KTN1: variants seen among roughly 807,000 people sequenced by gnomAD.
The protein encoded by KTN1 is kinectin 1, also known as kinectin.
A neutral mutation model predicts 222.5 loss-of-function variants in KTN1; 130 were observed. The observed-to-expected ratio is 0.58, with a 90% CI of 0.51 to 0.68. The LOEUF is 0.68. KTN1 is among the 30% of genes least tolerant of loss of function. The pLI is 0.00. For synonymous variants in KTN1, 512 were observed against 496.3 expected (o/e 1.03, Z -0.42); for missense variants, 1,508 against 1,500.4 (o/e 1.01, Z -0.08).
At chr14:55,598,466 C>G (rs2035437299) in intron 1 of KTN1, among the ~76,000 whole-genome samples, 1 of 149,976 alleles carries the variant, frequency 6.7e-6, no homozygotes, top group Admixed American at 6.6e-5. Context: ...ATTGGTTCCT[C>G]AATCAGTCAT....
intron 5 of KTN1, among the ~76,000 whole-genome samples, chr14:55,621,497 C>A (rs984247882): frequency 3.3e-5 from 5 of 152,146 alleles, no homozygotes; most frequent in African/African-American, 9.7e-5. Context: ...GCCTCACAAT[C>A]ATGGTAGAAG....
chr14:55,599,801 G>A (rs2035691584), intron 1 of KTN1, among the ~76,000 whole-genome samples: 1 of 152,082 alleles, frequency 6.6e-6, no homozygotes, highest in South Asian at 2.1e-4. Flanking sequence ...GAGAATTTAA[G>A]GTTGTACAAT....
intron 7 of KTN1, among the ~76,000 whole-genome samples, chr14:55,632,371 A>G (rs2140925384): frequency 6.6e-6 from 1 of 152,064 alleles, no homozygotes; most frequent in African/African-American, 2.4e-5. Flanking sequence ...TCCCTTAATA[A>G]GCAACAGTTT....
chr14:55,627,003 AACT>A (rs749601591), intron 5 of KTN1, among the ~76,000 whole-genome samples: 15 of 152,152 alleles, frequency 9.9e-5, no homozygotes, highest in Non-Finnish European at 2.1e-4. Context: ...AATTTCAGAG[AACT>A]ACACATCTAT....
At chr14:55,656,185 C>G (rs1006641529) in intron 29 of KTN1, 53 bp downstream of exon 29, 3 of 1,271,568 alleles carry the variant, frequency 2.4e-6, no homozygotes, top group Non-Finnish European at 3.4e-6. Context: ...TCTTTGCATG[C>G]TTTAAAATAA....
chr14:55,635,681 A>G (rs1194479341), intron 9 of KTN1, among the ~76,000 whole-genome samples: 1 of 152,238 alleles, frequency 6.6e-6, no homozygotes, highest in Non-Finnish European at 1.5e-5. Context: ...AATGATGAGT[A>G]TAATTCTCTA....
At position 55,679,673 on chromosome 14, in the gene KTN1, T is replaced by C. The variant is rs2046195983; in HGVS notation, c.4057T>C (p.Tyr1353His). The C allele has an allele frequency of 6.2e-7, 1 of 1,613,780 alleles. No homozygotes were observed. Among genetic ancestry groups the C allele is most frequent in the Non-Finnish European group, 8.5e-7 (1 of 1,179,854 alleles). Reference protein sequence around the residue: ...NQQLTKEKEHYQVLE With the variant: ...NQQLTKEKEHHQVLE ...ACAGCTCACAAAGGAGAAAGAGCAC[T>C]ACCAGGTGTTAGGTAAGGACAACTG... is the stretch of plus-strand genomic sequence containing the variant. The change falls in exon 43 of 44, where the codon TAC (tyrosine) becomes CAC (histidine). Residue 1353 changes from tyrosine (Y) to histidine (H), a missense_variant. By Grantham distance (83) the Tyr-to-His change is moderately conservative. Transcript: ENST00000395314.
At chr14:55,625,234 T>C (rs1346468941) in intron 5 of KTN1, among the ~76,000 whole-genome samples, 1 of 151,572 alleles carries the variant, frequency 6.6e-6, no homozygotes, top group Non-Finnish European at 1.5e-5. Flanking sequence ...AATTAAATGC[T>C]AGTGCATGTT....
intron 41 of KTN1, among the ~76,000 whole-genome samples, chr14:55,677,039 G>A (rs763680765): frequency 5.9e-5 from 9 of 152,130 alleles, no homozygotes; most frequent in Non-Finnish European, 1.2e-4. Flanking sequence ...CCAAACTGGT[G>A]CTCAAAGTTA....
intron 29 of KTN1, 33 bp downstream of exon 29, chr14:55,656,165 T>C (rs1566812711): frequency 7.2e-7 from 1 of 1,392,592 alleles, no homozygotes. Flanking sequence ...AATTATTTTG[T>C]AAATTATTGT....
Position 55,634,540 on chromosome 14 carries a change from T to G in KTN1, c.1343T>G (p.Leu448Arg). Residue 448 changes from leucine to arginine, a missense_variant, in exon 9 of 44, where the codon CTA (leucine) becomes CGA (arginine). Transcript: ENST00000395314. ...NQLESKQSAE[L>R]NKLRQDYARL... Reference sequence around the variant, plus strand: ...ACTGTTTTCAGGCAGTCTGCAGAACTAAATAAACTACGCCAGGATTATGCT... The same window carrying G: ...ACTGTTTTCAGGCAGTCTGCAGAACGAAATAAACTACGCCAGGATTATGCT... The G allele has an allele frequency of 6.2e-7, 1 of 1,612,392 alleles. No homozygotes were observed. The highest frequency in any genetic ancestry group is 1.1e-5 in the South Asian group (1 of 90,670).
At chr14:55,580,396 G>C (rs970770016) in intron 1 of KTN1, 42 bp downstream of exon 1, 1 of 146,764 alleles carries the variant, frequency 6.8e-6, no homozygotes, top group African/African-American at 2.5e-5. Flanking sequence ...GCCGGCGGCG[G>C]GGAGCGCGGG....
chr14:55,669,940 T>C (rs1217550189), intron 34 of KTN1, among the ~76,000 whole-genome samples: 1 of 151,962 alleles, frequency 6.6e-6, no homozygotes, highest in Non-Finnish European at 1.5e-5. Flanking sequence ...TCCAAAGACT[T>C]AAAAGAAGGA....
chr14:55,660,381 C>A (rs1595179108), intron 31 of KTN1, among the ~76,000 whole-genome samples: 1 of 133,582 alleles, frequency 7.5e-6, no homozygotes, highest in Admixed American at 7.5e-5. Context: ...GATTGTCTTT[C>A]TTAAGGAGTT....
In KTN1 at chr14:55,661,545, T is replaced by G; in HGVS notation, c.3023T>G (p.Ile1008Arg). Residue 1008 changes from isoleucine to arginine, a missense_variant, in exon 32 of 44, where the codon ATA becomes AGA. By Grantham distance (97) the Ile-to-Arg change is moderately conservative. Coordinates refer to ENST00000395314, the MANE Select transcript of KTN1 (RefSeq NM_001079521.2). ...AGAATTTCAGAAAGAGAGAAAGAAATAAGTGGTCTCTGGAATGAGTTAGAT... is the reference window on the plus strand; with the variant it reads ...AGAATTTCAGAAAGAGAGAAAGAAAGAAGTGGTCTCTGGAATGAGTTAGAT... ...LKVISEREKE[I>R]SGLWNELDSL... 2.5e-6 allele frequency: 4 copies of G among 1,600,984 alleles called. No homozygotes were observed. Among genetic ancestry groups the G allele is most frequent in the Non-Finnish European group, 3.4e-6 (4 of 1,168,618 alleles).
intron 5 of KTN1, among the ~76,000 whole-genome samples, chr14:55,619,951 G>A (rs762805523): frequency 6.6e-6 from 1 of 152,152 alleles, no homozygotes; most frequent in East Asian, 1.9e-4. Context: ...AGTCTCATCC[G>A]AGACAAGGCA....
At chr14:55,621,150 A>T (rs1050366314) in intron 5 of KTN1, among the ~76,000 whole-genome samples, 7 of 151,994 alleles carry the variant, frequency 4.6e-5, no homozygotes, top group African/African-American at 1.7e-4. Context: ...CCATTTCCCA[A>T]CATGTTCCTC....
chr14:55,626,460 A>G lies in KTN1; in HGVS notation c.964-1452A>G, dbSNP rs549016287. ...CTTTTATTTTCCAGAGATGATTACT[A>G]TATTAGATTTTTAACCACAGTTTTT... is the stretch of plus-strand genomic sequence containing the variant. On this transcript the variant is annotated intron_variant, in intron 5 of 43. Transcript: ENST00000395314. Among the ~76,000 whole-genome samples, 8 of 152,190 alleles carry G rather than the reference A, an allele frequency of 5.3e-5. No homozygotes were observed. The South Asian group carries it at 1.7e-3, about 32-fold the overall frequency.
At chr14:55,637,098 C>G (rs928256599) in intron 10 of KTN1, 100 bp from the exon 11 acceptor site, 3 of 805,212 alleles carry the variant, frequency 3.7e-6, no homozygotes, top group South Asian at 2.2e-5. Context: ...AGGAGAGATT[C>G]AAAGAAGGTT....
Sources: allele counts gnomAD v4.1 joint callset (sites outside exome capture counted in the v4.1 genomes callset), GRCh38; gene constraint gnomAD v4.1.1; transcripts MANE v1.5; gene names NCBI Gene and HGNC (gene_info 2026-07-23, HGNC 2026-07-21).